The following DNAJB4 variants were observed in gnomAD, a reference collection of about 807,000 sequenced individuals.
DNAJB4 encodes the protein dnaJ homolog subfamily B member 4.
In DNAJB4, 10 loss-of-function variants were observed where a neutral mutation model predicts 26.6. The observed-to-expected ratio is 0.38, with a 90% CI of 0.23 to 0.64. DNAJB4 has a LOEUF of 0.64. Among genes scored for constraint, DNAJB4 ranks in the 30% least tolerant of loss-of-function variants. DNAJB4 has a pLI of 0.58. For missense variants in DNAJB4, 328 were observed against 408.2 expected, an observed-to-expected ratio of 0.80 and a Z score of 1.69; for synonymous variants, 136 against 134.8, an observed-to-expected ratio of 1.01 and a Z score of -0.06.
In DNAJB4 at chr1:78,016,512, T is replaced by A; in HGVS notation, c.*265T>A. On this transcript the variant is annotated 3_prime_UTR_variant, in exon 3 of 3. Coordinates refer to ENST00000370763, the MANE Select transcript of DNAJB4 (RefSeq NM_007034.5). ...AATTTGCTTATATGTAAAAGTTGTT[T>A]TTGTGGAGTCAGTGGATATATTTCT... 1 of 430,960 alleles carries A rather than the reference T, an allele frequency of 2.3e-6. No homozygotes were observed. Among genetic ancestry groups the A allele is most frequent in the South Asian group, 3.1e-5 (1 of 32,682 alleles). 26.7% of individuals were successfully genotyped at this position (430,960 alleles called of 1,614,324 possible). A position where few individuals can be genotyped will look rare whatever the true frequency, so the allele number is the denominator to read the frequency against.
intron 1 of DNAJB4, among the ~76,000 whole-genome samples, chr1:77,982,627 G>A (rs1659682051): frequency 6.6e-6 from 1 of 151,920 alleles, no homozygotes; most frequent in South Asian, 2.1e-4. Context: ...GTGAAACATC[G>A]GCTCTACTAA....
At chr1:77,992,188 C>T (rs1479188667) in intron 1 of DNAJB4, among the ~76,000 whole-genome samples, 96 of 151,728 alleles carry the variant, frequency 6.3e-4, no homozygotes, top group Non-Finnish European at 2.8e-4. Context: ...CCGAGGCGGG[C>T]GGATCACGAG....
chr1:78,003,776 A>C (rs1660249039), upstream of DNAJB4, among the ~76,000 whole-genome samples: 1 of 152,184 alleles, frequency 6.6e-6, no homozygotes, highest in Non-Finnish European at 1.5e-5. Context: ...AAAAGCAGGC[A>C]TCAAAAGGGT....
chr1:78,011,879 TTTTA>T (rs1268630364), intron 1 of DNAJB4, among the ~76,000 whole-genome samples: 1 of 150,524 alleles, frequency 6.6e-6, no homozygotes, highest in Non-Finnish European at 1.5e-5. Flanking sequence ...CATATTTCTA[TTTTA>T]TTTATATATA....
chr1:77,992,923 C>G (rs1659970689), intron 1 of DNAJB4: 1 of 152,158 alleles, frequency 6.6e-6, no homozygotes, highest in South Asian at 2.1e-4. Context: ...AGGGTTTAAC[C>G]ATGTTGGCCA....
Position 78,013,363 on chromosome 1 carries a change from G to C in DNAJB4, c.524G>C (p.Cys175Ser), listed in dbSNP as rs1184325769. The change falls in exon 2 of 3, where the codon TGT becomes TCT. Residue 175 changes from cysteine (C) to serine (S), a missense_variant. By Grantham distance (112) the Cys-to-Ser change is moderately radical (BLOSUM62 -1). Transcript: ENST00000370763. ...RVSLEEIYSGCTKRMKISRKR... is the reference protein window; with the variant it reads ...RVSLEEIYSGSTKRMKISRKR... ...TCACTTGAAGAGATATATAGTGGTT[G>C]TACCAAACGGATGAAGATTTCTCGA... The C allele has an allele frequency of 1.2e-6, 2 of 1,614,064 alleles. No individual in the cohort carries two copies. The highest frequency in any genetic ancestry group is 1.3e-5 in the African/African-American group (1 of 74,926).
chr1:78,015,981 T>G, intron 2 of DNAJB4, 33 bp from the exon 3 acceptor site: 1 of 1,575,948 alleles, frequency 6.3e-7, no homozygotes, highest in African/African-American at 1.4e-5. Context: ...AGTTTTGAAG[T>G]GTTTTCATTT....
chr1:78,003,644 T>G (rs1660245972), upstream of DNAJB4, among the ~76,000 whole-genome samples: 1 of 152,192 alleles, frequency 6.6e-6, no homozygotes, highest in African/African-American at 2.4e-5. Flanking sequence ...TGACTTTTCT[T>G]ATTTATCTCT....
intron 1 of DNAJB4, among the ~76,000 whole-genome samples, chr1:77,995,141 T>A (rs1442493353): frequency 1.3e-5 from 2 of 152,214 alleles, no homozygotes; most frequent in Non-Finnish European, 2.9e-5. Flanking sequence ...GTACAAAAAA[T>A]AAAGAATGTA....
intron 1 of DNAJB4, among the ~76,000 whole-genome samples, chr1:77,994,412 GA>G (rs1400712414): frequency 2.0e-5 from 3 of 147,094 alleles, no homozygotes; most frequent in Admixed American, 1.3e-4. Context: ...AAAAAAAAAA[GA>G]AAAAAATTAT....
At chr1:78,000,972 G>A (rs1052619029), upstream of DNAJB4, among the ~76,000 whole-genome samples, 2 of 147,432 alleles carry the variant, frequency 1.4e-5, no homozygotes, top group African/African-American at 2.5e-5. Flanking sequence ...CAGCCTGGGC[G>A]ACAGAGCGAG....
chr1:77,995,859 T>C (rs1293668452), intron 1 of DNAJB4, among the ~76,000 whole-genome samples: 2 of 152,104 alleles, frequency 1.3e-5, no homozygotes, highest in Non-Finnish European at 2.9e-5. Flanking sequence ...AATAGGAGAA[T>C]CACTTGAACC....
chr1:78,012,340 T>C (rs922449008), intron 1 of DNAJB4, among the ~76,000 whole-genome samples: 23 of 151,478 alleles, frequency 1.5e-4, no homozygotes, highest in Non-Finnish European at 2.8e-4. Context: ...TTTTTTGTAT[T>C]TTTAGTGGAG....
chr1:78,002,913 T>C (rs1248778507), upstream of DNAJB4, among the ~76,000 whole-genome samples: 3 of 152,166 alleles, frequency 2.0e-5, no homozygotes, highest in Non-Finnish European at 4.4e-5. Flanking sequence ...TAATATATAA[T>C]ACAATTTCTC....
intron 1 of DNAJB4, among the ~76,000 whole-genome samples, chr1:78,005,703 C>T (rs946586196): frequency 6.6e-6 from 1 of 152,164 alleles, no homozygotes; most frequent in Non-Finnish European, 1.5e-5. Flanking sequence ...AATTTTCTGC[C>T]AGAACCAATA....
intron 1 of DNAJB4, among the ~76,000 whole-genome samples, chr1:77,997,333 AT>A (rs1206461193): frequency 1.0e-4 from 15 of 146,256 alleles, no homozygotes; most frequent in African/African-American, 2.1e-4. Context: ...AAAAAAAAAA[AT>A]CTATATCTAT....
Position 78,012,154 on chromosome 1 carries a change from CTTTTCTTTT to C in DNAJB4, c.212-892_212-884del, listed in dbSNP as rs1460926972. On this transcript the variant is annotated intron_variant, in intron 1 of 2. Transcript: ENST00000370763. ...CCCAGTTTTATTTTCTTTTTCTTTT[CTTTTCTTTT>C]TTTTTTTTTTTTTTTTTGAGACAGA... is the stretch of plus-strand genomic sequence containing the variant. Among the ~76,000 whole-genome samples, 491 of 69,348 alleles carry C rather than the reference CTTTTCTTTT, an allele frequency of 7.1e-3. 5 individuals carry two copies. The highest frequency in any genetic ancestry group is 0.027 in the African/African-American group (474 of 17,398). 45.5% of individuals were successfully genotyped at this position (69,348 alleles called of 152,430 possible).
intron 1 of DNAJB4, among the ~76,000 whole-genome samples, chr1:77,996,448 C>T (rs1453467728): frequency 6.6e-6 from 1 of 152,118 alleles, no homozygotes; most frequent in East Asian, 1.9e-4. Context: ...AGCTACTGCA[C>T]CTGGCTGATT....
In DNAJB4 at chr1:78,016,642, A is replaced by G. The variant is rs1557514632; in HGVS notation, c.*395A>G. On this transcript the variant is annotated 3_prime_UTR_variant, in exon 3 of 3. Coordinates refer to ENST00000370763, the MANE Select transcript of DNAJB4 (RefSeq NM_007034.5). ...AAATGAAAATTCTTAACTAAACTAT[A>G]CATGTAATATGTATTTCTAGAAGAG... 1 of 168,288 alleles carries G rather than the reference A, an allele frequency of 5.9e-6. No individual in the cohort carries two copies. The highest frequency in any genetic ancestry group is 1.3e-5 in the Non-Finnish European group (1 of 78,804). 10.4% of individuals were successfully genotyped at this position (168,288 alleles called of 1,614,324 possible). A position where few individuals can be genotyped will look rare whatever the true frequency, so the allele number is the denominator to read the frequency against.
Sources: gnomAD v4.1 joint callset for allele counts (sites outside exome capture counted in the v4.1 genomes callset) on GRCh38, gnomAD v4.1.1 for gene constraint, MANE v1.5 for transcripts, NCBI Gene and HGNC (gene_info 2026-07-23, HGNC 2026-07-21) for gene names.